Variants in BABAM2 observed in about 807,000 individuals in gnomAD.
BABAM2 encodes BRISC and BRCA1 A complex member 2.
BABAM2 carries 31 observed loss-of-function variants against 54.7 expected under a neutral mutation model. The ratio of observed to expected loss-of-function variants is 0.57; its 90% CI spans 0.43 to 0.77. The LOEUF (loss-of-function observed/expected upper bound fraction) is 0.77. Ranked by LOEUF, BABAM2 falls within the 30% of genes least tolerant of loss-of-function variation. BABAM2 has a pLI of 0.00. For missense variants in BABAM2, 364 were observed against 455.8 expected (o/e 0.80, Z 1.83); for synonymous variants, 167 against 162.9 (o/e 1.03, Z -0.19).
chr2:28,292,145 T>C (rs1209875265), intron 10 of BABAM2, among the ~76,000 whole-genome samples: 1 of 152,074 alleles, frequency 6.6e-6, no homozygotes, highest in African/African-American at 2.4e-5. Flanking sequence ...CGACCCAAGA[T>C]ATGGGGGAAA....
intron 3 of BABAM2, among the ~76,000 whole-genome samples, chr2:27,954,015 A>G (rs1669921214): frequency 6.6e-6 from 1 of 152,184 alleles, no homozygotes; most frequent in East Asian, 1.9e-4. Context: ...GCCCTTAGAA[A>G]TTAGAGTCTT....
intron 3 of BABAM2, among the ~76,000 whole-genome samples, chr2:27,952,014 T>A (rs535756414): frequency 1.3e-5 from 2 of 152,362 alleles, no homozygotes; most frequent in South Asian, 4.1e-4. Context: ...TTTGTCTACT[T>A]CTTCTTGCTG....
At chr2:28,234,534 G>A (rs1022340243) in intron 7 of BABAM2, among the ~76,000 whole-genome samples, 1 of 152,158 alleles carries the variant, frequency 6.6e-6, no homozygotes, top group Admixed American at 6.5e-5. Flanking sequence ...GACTTCTCTT[G>A]TAATATTTTA....
At chr2:28,189,632 C>T (rs139874540) in intron 7 of BABAM2, among the ~76,000 whole-genome samples, 2,001 of 152,090 alleles carry the variant, frequency 0.013, 28 homozygotes, top group South Asian at 0.05. Context: ...TTAAAGAAGA[C>T]CTAAATAAAT....
intron 3 of BABAM2, among the ~76,000 whole-genome samples, chr2:27,977,340 A>T (rs774434081): frequency 3.3e-5 from 5 of 152,196 alleles, no homozygotes; most frequent in Non-Finnish European, 5.9e-5. Flanking sequence ...AGGAGTGCCA[A>T]CCCAAAATTG....
At chr2:28,055,667 A>G (rs763000716) in intron 6 of BABAM2, among the ~76,000 whole-genome samples, 2 of 152,226 alleles carry the variant, frequency 1.3e-5, no homozygotes, top group African/African-American at 2.4e-5. Context: ...GATTGGGGTA[A>G]CCCATTATGG....
intron 10 of BABAM2, among the ~76,000 whole-genome samples, chr2:28,277,390 C>T (rs143994707): frequency 1.3e-5 from 2 of 152,278 alleles, no homozygotes; most frequent in African/African-American, 2.4e-5. Context: ...CAGACGTGAG[C>T]CACTGTTCCC....
chr2:27,946,622 G>A (rs1403216212), intron 3 of BABAM2, among the ~76,000 whole-genome samples: 1 of 151,918 alleles, frequency 6.6e-6, no homozygotes, highest in African/African-American at 2.4e-5. Flanking sequence ...TGGACCTGGA[G>A]CGAGATAGAG....
intron 3 of BABAM2, among the ~76,000 whole-genome samples, chr2:27,941,668 G>A (rs1668900398): frequency 6.6e-6 from 1 of 152,076 alleles, no homozygotes; most frequent in South Asian, 2.1e-4. Flanking sequence ...CAAAGGTTTT[G>A]AAGTTGATAC....
chr2:28,188,166 T>G (rs143069379), intron 7 of BABAM2, among the ~76,000 whole-genome samples: 1 of 152,124 alleles, frequency 6.6e-6, no homozygotes, highest in Non-Finnish European at 1.5e-5. Context: ...CCTCGTTCAT[T>G]TGCTCTAGAA....
intron 7 of BABAM2, among the ~76,000 whole-genome samples, chr2:28,166,985 G>A (rs1242400367): frequency 2.6e-5 from 4 of 152,156 alleles, no homozygotes; most frequent in African/African-American, 9.7e-5. Context: ...ATTGAGACTG[G>A]ATATAGCTTT....
At chr2:28,127,575 T>G (rs1315009193) in intron 6 of BABAM2, among the ~76,000 whole-genome samples, 1 of 152,138 alleles carries the variant, frequency 6.6e-6, no homozygotes, top group Non-Finnish European at 1.5e-5. Flanking sequence ...TTTAAAAATG[T>G]TTCTTTTTTA....
intron 2 of BABAM2, among the ~76,000 whole-genome samples, chr2:27,897,401 A>G (rs111700498): frequency 0.015 from 2,291 of 152,258 alleles, 25 homozygotes; most frequent in Middle Eastern, 0.034. Context: ...ATTATCTTCA[A>G]TTTCATTAAT....
chr2:28,070,551 C>CTTTTTTTTTTTTTTTTTTTTTTTTT (rs779324534), intron 6 of BABAM2, among the ~76,000 whole-genome samples: 1 of 85,742 alleles, frequency 1.2e-5, no homozygotes, highest in African/African-American at 3.2e-5. Flanking sequence ...AAGTACTTTT[C>CTTTTTTTTTTTTTTTTTTTTTTTTT]TTTTCTTTTT....
At position 27,945,220 on chromosome 2, in the gene BABAM2, G is replaced by T. The variant is rs1669210709; in HGVS notation, c.205+15312G>T. ...TTTTATTTTATTTTTGTAGAGACGG[G>T]GTTTCACTGTGTTGCCCAGGCTGGT... On this transcript the variant is annotated intron_variant, in intron 3 of 11. Coordinates refer to ENST00000379624, the MANE Select transcript of BABAM2 (RefSeq NM_199191.3). Among the ~76,000 whole-genome samples the T allele has an allele frequency of 2.6e-5, 4 of 151,906 alleles. No homozygotes were observed. In the South Asian group the frequency reaches 8.3e-4, roughly 32 times the overall value.
At chr2:28,164,793 C>T (rs1673466917) in intron 7 of BABAM2, among the ~76,000 whole-genome samples, 1 of 152,004 alleles carries the variant, frequency 6.6e-6, no homozygotes, top group Admixed American at 6.6e-5. Flanking sequence ...AATCCATTTC[C>T]TTTTTACCCC....
chr2:28,084,200 A>G (rs896948048), intron 6 of BABAM2, among the ~76,000 whole-genome samples: 1 of 152,192 alleles, frequency 6.6e-6, no homozygotes, highest in Non-Finnish European at 1.5e-5. Flanking sequence ...GAGGGTCTAA[A>G]GGTAGGAAAG....
At chr2:28,215,114 A>G (rs368469505) in intron 7 of BABAM2, among the ~76,000 whole-genome samples, 4 of 152,130 alleles carry the variant, frequency 2.6e-5, no homozygotes, top group East Asian at 1.9e-4. Context: ...GCTTTGTACA[A>G]TTTAATCCAA....
At chr2:27,997,232 G>A (rs763948613) in intron 4 of BABAM2, among the ~76,000 whole-genome samples, 2 of 152,088 alleles carry the variant, frequency 1.3e-5, no homozygotes, top group African/African-American at 4.8e-5. Context: ...TAGAAATAAA[G>A]CATTGTTAAC....
Sources: gnomAD v4.1 joint callset for allele counts (sites outside exome capture counted in the v4.1 genomes callset) on GRCh38, gnomAD v4.1.1 for gene constraint, MANE v1.5 for transcripts, NCBI Gene and HGNC (gene_info 2026-07-23, HGNC 2026-07-21) for gene names.